The following DZIP3 variants were observed in gnomAD, a reference collection of about 807,000 sequenced individuals.
DZIP3 encodes the protein DAZ interacting zinc finger protein 3.
In DZIP3, 118 loss-of-function variants were observed where a neutral mutation model predicts 162.0. The observed-to-expected ratio is 0.73, with a 90% confidence interval of 0.63 to 0.85. DZIP3 has a LOEUF of 0.85. Among genes scored for constraint, DZIP3 ranks in the 40% least tolerant of loss-of-function variants. The pLI, the probability that DZIP3 is intolerant of heterozygous loss-of-function variation, is 0.00. For synonymous variants in DZIP3, 438 were observed against 458.6 expected (o/e 0.96, Z 0.57); for missense variants, 1,331 against 1,407.0 (o/e 0.95, Z 0.86).
chr3:108,652,548 G>A (rs760853900), intron 18 of DZIP3, among the ~76,000 whole-genome samples: 3 of 151,842 alleles, frequency 2.0e-5, no homozygotes, highest in Non-Finnish European at 4.4e-5. Context: ...TAGTAGTGGT[G>A]TAGCTGTCAT....
chr3:108,626,633 A>G (rs1341779090), intron 7 of DZIP3, among the ~76,000 whole-genome samples: 1 of 152,206 alleles, frequency 6.6e-6, no homozygotes, highest in South Asian at 2.1e-4. Context: ...AGTATCCATT[A>G]TATTCCAGAA....
intron 22 of DZIP3, among the ~76,000 whole-genome samples, 188 bp downstream of exon 22, chr3:108,669,937 T>C (rs1024480590): frequency 1.3e-5 from 2 of 151,668 alleles, no homozygotes; most frequent in Admixed American, 1.3e-4. Flanking sequence ...AATAGGGAGG[T>C]ATGGTCACTT....
At chr3:108,674,213 A>G (rs1362142560) in intron 24 of DZIP3, 32 bp downstream of exon 24, 1 of 1,563,022 alleles carries the variant, frequency 6.4e-7, no homozygotes, top group Non-Finnish European at 8.8e-7. Flanking sequence ...ATGCATCTTA[A>G]TTTTAGAGAT....
At chr3:108,639,696 G>T (rs1942303408) in intron 12 of DZIP3, among the ~76,000 whole-genome samples, 1 of 151,550 alleles carries the variant, frequency 6.6e-6, no homozygotes. Context: ...GATCATTCTG[G>T]ATAGAAGTCT....
At position 108,638,476 on chromosome 3, in the gene DZIP3, C is replaced by T. The variant is rs551428236; in HGVS notation, c.1064+928C>T. Among the ~76,000 whole-genome samples the T allele has an allele frequency of 1.5e-3, 234 of 152,110 alleles. 1 individual carries two copies. In the Middle Eastern group the frequency reaches 0.017, roughly 11 times the overall value. ...GACTACAGGTACCTGCCACCATGCC[C>T]GGCTAATTTTTTTTGTATTTTTAGT... On this transcript the variant is annotated intron_variant, in intron 12 of 32. Coordinates refer to ENST00000361582, the MANE Select transcript of DZIP3 (RefSeq NM_014648.4).
chr3:108,615,547 C>T (rs1940958516), intron 4 of DZIP3, among the ~76,000 whole-genome samples: 1 of 151,812 alleles, frequency 6.6e-6, no homozygotes, highest in South Asian at 2.1e-4. Flanking sequence ...ATCTAGTCAG[C>T]TAGGAAAAAA....
intron 1 of DZIP3, among the ~76,000 whole-genome samples, chr3:108,597,471 A>C (rs146533342): frequency 2.6e-5 from 4 of 152,246 alleles, no homozygotes; most frequent in African/African-American, 9.6e-5. Flanking sequence ...GTGTAAGTAA[A>C]GATGAAAATG....
intron 27 of DZIP3, among the ~76,000 whole-genome samples, chr3:108,685,726 CTT>C (rs1944474559): frequency 6.6e-6 from 1 of 152,182 alleles, no homozygotes; most frequent in Admixed American, 6.6e-5. Flanking sequence ...AAAAATGTAA[CTT>C]TACTTTCTCG....
intron 32 of DZIP3, among the ~76,000 whole-genome samples, chr3:108,692,690 C>T (rs1175562888): frequency 6.6e-6 from 1 of 152,040 alleles, no homozygotes; most frequent in Non-Finnish European, 1.5e-5. Context: ...ATTGTTTGGT[C>T]CCATCCCAGG....
chr3:108,674,563 CT>C (rs1258299275), intron 24 of DZIP3, among the ~76,000 whole-genome samples: 20 of 152,002 alleles, frequency 1.3e-4, no homozygotes, highest in African/African-American at 3.6e-4. Flanking sequence ...ACACCAGATA[CT>C]TATGAAACAA....
At position 108,598,902 on chromosome 3, in the gene DZIP3, T is replaced by G. The variant is rs191218348; in HGVS notation, c.-72-6433T>G. ...TTTGAAACTGATGGCTTGTTTAGTA[T>G]CTGGATAGTTTTTCAGGTAAATCCT... is the stretch of plus-strand genomic sequence containing the variant. On this transcript the variant is annotated intron_variant, in intron 1 of 32. Coordinates refer to ENST00000361582, the MANE Select transcript of DZIP3 (RefSeq NM_014648.4). Among the ~76,000 whole-genome samples, 7 of 152,318 alleles carry G rather than the reference T, an allele frequency of 4.6e-5. No individual in the cohort carries two copies. In the East Asian group the frequency reaches 1.4e-3, roughly 29 times the overall value.
intron 19 of DZIP3, among the ~76,000 whole-genome samples, chr3:108,660,270 G>A (rs1413682611): frequency 2.0e-5 from 3 of 152,158 alleles, no homozygotes; most frequent in African/African-American, 4.8e-5. Flanking sequence ...AAAACAGCAT[G>A]GTACTGGTAC....
chr3:108,646,824 CAA>C (rs1942643778), intron 15 of DZIP3, among the ~76,000 whole-genome samples, 175 bp downstream of exon 15: 1 of 152,120 alleles, frequency 6.6e-6, no homozygotes, highest in Admixed American at 6.6e-5. Flanking sequence ...AGGTGGATCA[CAA>C]GGTCAGGAGA....
Position 108,654,279 on chromosome 3 carries a change from A to T in DZIP3, c.2168A>T (p.Asp723Val). The change falls in exon 19 of 33, where the codon GAT (aspartate) becomes GTT (valine). Residue 723 changes from aspartate to valine, a missense_variant. Physicochemically the swap from Asp to Val is radical, Grantham distance 152 (BLOSUM62 -3). This residue lies in a region of DZIP3 where 1,278 missense variants were observed against 1,317.1 expected (regional missense o/e 0.97). Transcript: ENST00000361582. ...ATGGAAGACAAGTTCTATAGCCTGG[A>T]TGAATTGCATATTCTGGACATGATA... Reference protein sequence around the residue: ...SAMEDKFYSLDELHILDMIEQ... With the variant: ...SAMEDKFYSLVELHILDMIEQ... The T allele has an allele frequency of 6.2e-7, 1 of 1,613,782 alleles. No homozygotes were observed. Among genetic ancestry groups the T allele is most frequent in the Non-Finnish European group, 8.5e-7 (1 of 1,179,706 alleles).
chr3:108,673,882 T>C (rs1354963347), intron 23 of DZIP3, among the ~76,000 whole-genome samples, 196 bp from the exon 24 acceptor site: 1 of 151,910 alleles, frequency 6.6e-6, no homozygotes, highest in African/African-American at 2.4e-5. Context: ...CTAGTAACCA[T>C]TAAATAAGGA....
chr3:108,688,116 A>C lies in DZIP3; in HGVS notation c.3270+20A>C. 1 of 1,612,242 alleles carries C rather than the reference A, an allele frequency of 6.2e-7. No homozygotes were observed. The highest frequency in any genetic ancestry group is 1.1e-5 in the South Asian group (1 of 90,958). ...TCTCAGGTAAAATGCAAAAACAACC[A>C]AAAAACCTGTATCTCTCTGCCCTTA... is the stretch of plus-strand genomic sequence containing the variant. On this transcript the variant is annotated intron_variant, in intron 29 of 32. Coordinates refer to ENST00000361582, the MANE Select transcript of DZIP3 (RefSeq NM_014648.4).
At chr3:108,690,016 T>TG (rs1181662365) in intron 31 of DZIP3, among the ~76,000 whole-genome samples, 1 of 152,208 alleles carries the variant, frequency 6.6e-6, no homozygotes, top group Non-Finnish European at 1.5e-5. Flanking sequence ...TCCCAAAAGT[T>TG]TTCTAGGAAA....
rs201427191 is a variant in DZIP3, at chr3:108,669,750, G to T, written c.2492+1G>T. On this transcript the variant is annotated splice_donor_variant, in intron 22 of 32. Transcript: ENST00000361582. LOFTEE classifies it high-confidence loss of function. ...TTAAAGAGCAACTTTCTATGAAAAG[G>T]TACAAACTTAGCTTTTTCTTTGGGT... The T allele has an allele frequency of 1.1e-4, 172 of 1,607,988 alleles. No homozygotes were observed. Among genetic ancestry groups the T allele is most frequent in the Non-Finnish European group, 1.4e-4 (165 of 1,175,872 alleles).
In DZIP3 at chr3:108,652,615, G is replaced by A. The variant is rs182375645; in HGVS notation, c.2033+1453G>A. ...AAATTTAGTGTAGCCTGAGTTTGTGGTGTTTATTATAAAGTCTACAGTAGT... is the reference window on the plus strand; with the variant it reads ...AAATTTAGTGTAGCCTGAGTTTGTGATGTTTATTATAAAGTCTACAGTAGT... On this transcript the variant is annotated intron_variant, in intron 18 of 32. Coordinates refer to ENST00000361582, the MANE Select transcript of DZIP3 (RefSeq NM_014648.4). Among the ~76,000 whole-genome samples the A allele has an allele frequency of 1.3e-3, 196 of 151,826 alleles. 2 individuals are homozygous for A. Among genetic ancestry groups the A allele is most frequent in the Non-Finnish European group, 3.0e-4 (20 of 67,732 alleles).
Sources: gnomAD v4.1 joint callset for allele counts (sites outside exome capture counted in the v4.1 genomes callset) on GRCh38, gnomAD v4.1.1 for gene constraint, gnomAD v4.1.1 regional missense constraint, MANE v1.5 for transcripts, NCBI Gene and HGNC (gene_info 2026-07-23, HGNC 2026-07-21) for gene names.